The following TDRD3 variants were observed in gnomAD, a reference collection of about 807,000 sequenced individuals.
The protein encoded by TDRD3 is tudor domain-containing protein 3.
TDRD3 carries 45 observed loss-of-function variants against 86.7 expected under a neutral mutation model. That is an observed-to-expected ratio of 0.52 (90% CI 0.41 to 0.67). The LOEUF is 0.67. Ranked by LOEUF, TDRD3 falls within the 30% of genes least tolerant of loss-of-function variation. The pLI is 0.00. For missense variants in TDRD3, 814 were observed against 889.0 expected (o/e 0.92, Z 1.07); for synonymous variants, 298 against 301.7 (o/e 0.99, Z 0.13).
At chr13:60,540,530 A>G (rs923288117) in intron 12 of TDRD3, among the ~76,000 whole-genome samples, 1 of 152,188 alleles carries the variant, frequency 6.6e-6, no homozygotes, top group Non-Finnish European at 1.5e-5. Flanking sequence ...CATAAATGTT[A>G]CCTTAAAATT....
chr13:60,474,880 A>G (rs1423310191), intron 5 of TDRD3, among the ~76,000 whole-genome samples: 1 of 140,258 alleles, frequency 7.1e-6, no homozygotes, highest in Non-Finnish European at 1.6e-5. Flanking sequence ...TTGGTTTGTC[A>G]GAATGTTTTT....
At chr13:60,412,724 A>T (rs947023345) in intron 1 of TDRD3, among the ~76,000 whole-genome samples, 4 of 151,874 alleles carry the variant, frequency 2.6e-5, no homozygotes, top group Non-Finnish European at 5.9e-5. Context: ...TTTTGTTATT[A>T]TTCTTGCCTT....
chr13:60,474,810 TC>T (rs1956150139), intron 5 of TDRD3, among the ~76,000 whole-genome samples: 1 of 152,174 alleles, frequency 6.6e-6, no homozygotes, highest in African/African-American at 2.4e-5. Flanking sequence ...TTGGTAAAGA[TC>T]AAGTTCCTGC....
At chr13:60,405,951 G>T (rs958611111) in intron 1 of TDRD3, among the ~76,000 whole-genome samples, 3 of 152,166 alleles carry the variant, frequency 2.0e-5, no homozygotes, top group Non-Finnish European at 4.4e-5. Context: ...GATTGGACAT[G>T]AATGTGACAC....
At chr13:60,463,635 A>G (rs1158877477) in intron 4 of TDRD3, among the ~76,000 whole-genome samples, 1 of 152,116 alleles carries the variant, frequency 6.6e-6, no homozygotes, top group Admixed American at 6.6e-5. Context: ...TAATATCCAG[A>G]ATATATAAGG....
chr13:60,407,091 T>C (rs1184421573), intron 1 of TDRD3, among the ~76,000 whole-genome samples: 1 of 152,192 alleles, frequency 6.6e-6, no homozygotes, highest in Non-Finnish European at 1.5e-5. Flanking sequence ...TTATAATGAA[T>C]TTGGAATTGA....
intron 12 of TDRD3, among the ~76,000 whole-genome samples, chr13:60,548,519 C>G (rs1469984142): frequency 6.6e-6 from 1 of 152,140 alleles, no homozygotes; most frequent in African/African-American, 2.4e-5. Flanking sequence ...AGCATAATAA[C>G]AATTACTCAT....
chr13:60,399,960 C>T (rs1196571806), intron 1 of TDRD3, among the ~76,000 whole-genome samples: 1 of 152,136 alleles, frequency 6.6e-6, no homozygotes, highest in Non-Finnish European at 1.5e-5. Flanking sequence ...TTCATTAGAA[C>T]CCCTATAAAA....
chr13:60,523,105 A>T (rs1957326414), intron 10 of TDRD3, among the ~76,000 whole-genome samples: 1 of 152,194 alleles, frequency 6.6e-6, no homozygotes, highest in African/African-American at 2.4e-5. Flanking sequence ...ACATAGAGTC[A>T]GGCATATATT....
At chr13:60,490,013 T>C (rs1595010846) in intron 7 of TDRD3, among the ~76,000 whole-genome samples, 1 of 151,524 alleles carries the variant, frequency 6.6e-6, no homozygotes, top group African/African-American at 2.4e-5. Context: ...ATTGATATTA[T>C]ATTTTCCCAT....
At position 60,571,612 on chromosome 13, in the gene TDRD3, T is replaced by C. The variant is rs576342099; in HGVS notation, c.*10-2004T>C. ...ACTTCACTAGGTGATGAATGACACATGGTAGCTGTTCAGTAAGTGTTTATT... is the reference window on the plus strand; with the variant it reads ...ACTTCACTAGGTGATGAATGACACACGGTAGCTGTTCAGTAAGTGTTTATT... On this transcript the variant is annotated intron_variant, in intron 13 of 13. Coordinates refer to ENST00000377881, the MANE Select transcript of TDRD3 (RefSeq NM_001146070.2). 5.3e-5 allele frequency among the ~76,000 whole-genome samples: 8 copies of C among 152,346 alleles called. No individual in the cohort carries two copies. In the East Asian group the frequency reaches 1.5e-3, roughly 29 times the overall value.
At chr13:60,489,284 A>G (rs543056867) in intron 7 of TDRD3, among the ~76,000 whole-genome samples, 1 of 152,318 alleles carries the variant, frequency 6.6e-6, no homozygotes, top group South Asian at 2.1e-4. Flanking sequence ...TAGGTCATAA[A>G]TTAGTTGCTA....
intron 10 of TDRD3, among the ~76,000 whole-genome samples, chr13:60,516,324 C>A (rs952031532): frequency 2.0e-5 from 3 of 152,126 alleles, no homozygotes; most frequent in South Asian, 2.1e-4. Flanking sequence ...AATATATATT[C>A]TGATTTTTAA....
At chr13:60,443,234 C>T (rs1208958470) in intron 2 of TDRD3, among the ~76,000 whole-genome samples, 3 of 151,762 alleles carry the variant, frequency 2.0e-5, no homozygotes, top group Admixed American at 6.6e-5. Flanking sequence ...ATTATAAAAC[C>T]GTCTTAATAT....
chr13:60,453,487 C>CTTTAGA (rs79666343), intron 3 of TDRD3, among the ~76,000 whole-genome samples: 30,184 of 151,880 alleles, frequency 0.2, 3,611 homozygotes, highest in South Asian at 0.29. Context: ...CAACACTTTC[C>CTTTAGA]TTTAATCAGT....
intron 5 of TDRD3, among the ~76,000 whole-genome samples, chr13:60,477,114 CCTTGT>C (rs1452360665): frequency 1.3e-5 from 2 of 151,806 alleles, no homozygotes; most frequent in Non-Finnish European, 2.9e-5. Flanking sequence ...AAGTGGGCAT[CCTTGT>C]CTTGTTTCAA....
At chr13:60,426,671 C>G (rs890289746) in intron 1 of TDRD3, among the ~76,000 whole-genome samples, 6 of 152,008 alleles carry the variant, frequency 3.9e-5, no homozygotes, top group African/African-American at 1.5e-4. Context: ...TTAAGCAGAC[C>G]AATGTTATAG....
chr13:60,568,052 A>G (rs971198318), intron 13 of TDRD3, among the ~76,000 whole-genome samples: 4 of 152,130 alleles, frequency 2.6e-5, no homozygotes, highest in Non-Finnish European at 5.9e-5. Flanking sequence ...GCTACTAGAA[A>G]ATTTAAAATT....
Position 60,509,878 on chromosome 13 carries a change from C to T in TDRD3, c.974C>T (p.Thr325Ile). The T allele has an allele frequency of 5.0e-6, 8 of 1,613,724 alleles. No homozygotes were observed. The highest frequency in any genetic ancestry group is 2.2e-5 in the East Asian group (1 of 44,866). ...NLEAALNVLL[T>I]SNKQKPVMGP... ...GAAGCAGCACTGAACGTACTTCTTA[C>T]AAGCAATAAACAGAAACCTGTTATG... The change falls in exon 9 of 14, where the codon ACA becomes ATA. Residue 325 changes from threonine (T) to isoleucine (I), a missense_variant. Thr to Ile is a moderately conservative substitution (Grantham distance 89). Transcript: ENST00000377881.
Sources: allele counts gnomAD v4.1 joint callset (sites outside exome capture counted in the v4.1 genomes callset), GRCh38; gene constraint gnomAD v4.1.1; transcripts MANE v1.5; gene names NCBI Gene and HGNC (gene_info 2026-07-23, HGNC 2026-07-21).